Variants in SLC9B1 observed in about 807,000 individuals in gnomAD.
SLC9B1 encodes the protein solute carrier family 9 member B1.
SLC9B1 carries 32 observed loss-of-function variants against 51.7 expected under a neutral mutation model. The observed-to-expected ratio is 0.62, with a 90% CI of 0.47 to 0.83. The LOEUF (loss-of-function observed/expected upper bound fraction) is 0.83, where lower values mean the gene tolerates loss of function less well. Among genes scored for constraint, SLC9B1 ranks in the 40% least tolerant of loss-of-function variants. The pLI, the probability that SLC9B1 is intolerant of heterozygous loss-of-function variation, is 0.00. For synonymous variants in SLC9B1, 145 were observed against 212.7 expected, an observed-to-expected ratio of 0.68 and a Z score of 2.77; for missense variants, 406 against 613.2, an observed-to-expected ratio of 0.66 and a Z score of 3.57.
intron 7 of SLC9B1, among the ~76,000 whole-genome samples, chr4:102,921,881 C>A (rs998791269): frequency 6.6e-6 from 1 of 152,118 alleles, no homozygotes; most frequent in African/African-American, 2.4e-5. Flanking sequence ...TATATATGCA[C>A]CCAATACAAG....
At chr4:102,927,685 G>A (rs1236523385) in intron 7 of SLC9B1, among the ~76,000 whole-genome samples, 3 of 152,154 alleles carry the variant, frequency 2.0e-5, no homozygotes, top group South Asian at 4.1e-4. Flanking sequence ...CGAGGATATA[G>A]AACTAGAATT....
intron 3 of SLC9B1, among the ~76,000 whole-genome samples, chr4:102,955,550 G>T (rs551237044): frequency 1.8e-3 from 280 of 152,238 alleles, no homozygotes; most frequent in African/African-American, 6.5e-3. Context: ...GTAGAGGGAA[G>T]AAATCAATGG....
In SLC9B1 at chr4:102,989,730, G is replaced by A. The variant is rs1242626494; in HGVS notation, c.211+70C>T. On this transcript the variant is annotated intron_variant, in intron 3 of 11. Transcript: ENST00000296422. Reference sequence around the variant, plus strand: ...ATATTGATTAAGTAGTGTCTTTGTTGTCTCATGTTTTAATATTTATCAAAC... The same window carrying A: ...ATATTGATTAAGTAGTGTCTTTGTTATCTCATGTTTTAATATTTATCAAAC... 3 of 1,104,754 alleles carry A rather than the reference G, an allele frequency of 2.7e-6. No homozygotes were observed. The East Asian group carries it at 7.7e-5, about 28-fold the overall frequency. The allele number at this position is 1,104,754 out of a possible 1,614,324, so 68.4% of individuals were successfully genotyped here.
chr4:102,892,480 G>A (rs1393358943), intron 11 of SLC9B1: 2 of 152,160 alleles, frequency 1.3e-5, no homozygotes, highest in Non-Finnish European at 2.9e-5. Context: ...ATTAGTTATG[G>A]TCTTGAAGGA....
At chr4:103,003,998 A>T (rs1740659770) in intron 1 of SLC9B1, among the ~76,000 whole-genome samples, 1 of 152,236 alleles carries the variant, frequency 6.6e-6, no homozygotes, top group East Asian at 1.9e-4. Flanking sequence ...CACAGATGAG[A>T]AATAACCAGC....
intron 1 of SLC9B1, among the ~76,000 whole-genome samples, chr4:103,008,005 A>G (rs1004308533): frequency 2.0e-5 from 3 of 152,216 alleles, no homozygotes; most frequent in Admixed American, 2.0e-4. Flanking sequence ...TACTAACAAA[A>G]ATAAGACTTC....
At chr4:103,019,418 G>A (rs925342252) in intron 1 of SLC9B1, among the ~76,000 whole-genome samples, 181 bp downstream of exon 1, 1 of 152,210 alleles carries the variant, frequency 6.6e-6, no homozygotes, top group Non-Finnish European at 1.5e-5. Context: ...AAGGAGTCAC[G>A]GAGAGGAGAG....
intron 1 of SLC9B1, among the ~76,000 whole-genome samples, chr4:102,992,151 C>CTGATA (rs1739974020): frequency 6.6e-6 from 1 of 152,080 alleles, no homozygotes; most frequent in Non-Finnish European, 1.5e-5. Context: ...CTATAAGTTA[C>CTGATA]TGATACATAC....
chr4:102,976,311 T>C (rs138605985), intron 3 of SLC9B1, among the ~76,000 whole-genome samples: 1 of 152,332 alleles, frequency 6.6e-6, no homozygotes, highest in African/African-American at 2.4e-5. Context: ...TAGATATCAG[T>C]ATTGATTTAC....
At position 102,885,187 on chromosome 4, in the gene SLC9B1, T is replaced by A. The variant is rs141987332; in HGVS notation, c.*46A>T. Reference sequence around the variant, plus strand: ...ATTTTGAATTCTTTTCCAAGAGCACTGCAGATTCTGACACATCTACATGTT... The same window carrying A: ...ATTTTGAATTCTTTTCCAAGAGCACAGCAGATTCTGACACATCTACATGTT... On this transcript the variant is annotated 3_prime_UTR_variant, in exon 12 of 12. Coordinates refer to the SLC9B1 transcript ENST00000394789. 3.0e-4 allele frequency: 471 copies of A among 1,561,524 alleles called. No homozygotes were observed. The African/African-American group carries it at 5.5e-3, about 18-fold the overall frequency.
rs1736495013 is a variant in SLC9B1, at chr4:102,932,225, A to G, written c.728T>C (p.Val243Ala). 1.9e-6 allele frequency: 3 copies of G among 1,611,976 alleles called. No individual in the cohort carries two copies. The highest frequency in any genetic ancestry group is 1.7e-6 in the Non-Finnish European group (2 of 1,179,806). Residue 243 changes from valine to alanine, a missense_variant, in exon 7 of 12, where the codon GTT (valine) becomes GCT (alanine). By Grantham distance (64) the Val-to-Ala change is moderately conservative (BLOSUM62 0). Transcript: ENST00000296422. Reference sequence around the variant, plus strand: ...TAATAAGGTTGGAATGCCTTCCTCAACACCATATCCATTTTCTTGCAGCAC... The same window carrying G: ...TAATAAGGTTGGAATGCCTTCCTCAGCACCATATCCATTTTCTTGCAGCAC... ...MMVLQENGYG[V>A]EEGIPTLLMA...
chr4:102,971,704 T>G (rs913579389), intron 3 of SLC9B1, among the ~76,000 whole-genome samples: 22 of 152,066 alleles, frequency 1.4e-4, no homozygotes, highest in African/African-American at 5.3e-4. Flanking sequence ...CCAGGAGCTG[T>G]TTTTTTGAAA....
chr4:103,009,188 A>G (rs1002556994), intron 1 of SLC9B1, among the ~76,000 whole-genome samples: 6 of 152,218 alleles, frequency 3.9e-5, no homozygotes, highest in African/African-American at 1.4e-4. Context: ...CTTCTTGGGA[A>G]CTTCATTTCT....
At chr4:102,975,581 TA>T (rs1358290097) in intron 3 of SLC9B1, among the ~76,000 whole-genome samples, 95 of 110,068 alleles carry the variant, frequency 8.6e-4, no homozygotes, top group African/African-American at 3.4e-3. Flanking sequence ...TATATATATA[TA>T]TATATTTTTT....
intron 6 of SLC9B1, among the ~76,000 whole-genome samples, chr4:102,933,272 C>G (rs1244964465): frequency 1.3e-5 from 2 of 152,222 alleles, no homozygotes; most frequent in East Asian, 3.9e-4. Flanking sequence ...CAGACAGCAT[C>G]TGCCAATGAC....
chr4:102,898,862 G>A (rs537118627), downstream of SLC9B1, among the ~76,000 whole-genome samples: 3 of 152,192 alleles, frequency 2.0e-5, no homozygotes, highest in Non-Finnish European at 4.4e-5. Context: ...CGAGTAGCCG[G>A]GACTACAGGC....
At chr4:102,941,539 C>A (rs1736995560) in intron 6 of SLC9B1, 1 of 450,438 alleles carries the variant, frequency 2.2e-6, no homozygotes, top group Admixed American at 2.4e-5. Flanking sequence ...CTTTGGAAGG[C>A]TGAGGCATGA....
At chr4:102,963,510 GT>G (rs111966515) in intron 3 of SLC9B1, among the ~76,000 whole-genome samples, 19,882 of 151,804 alleles carry the variant, frequency 0.13, 998 homozygotes, top group Admixed American at 0.16. Context: ...TTCTTTATGT[GT>G]TGACTGTTGT....
At chr4:103,006,639 T>C (rs1365199293) in intron 1 of SLC9B1, among the ~76,000 whole-genome samples, 2 of 152,182 alleles carry the variant, frequency 1.3e-5, no homozygotes, top group Non-Finnish European at 2.9e-5. Context: ...CAAGTCATTC[T>C]ATGAGGATAG....
Sources: allele counts gnomAD v4.1 joint callset (sites outside exome capture counted in the v4.1 genomes callset), GRCh38; gene constraint gnomAD v4.1.1; transcripts MANE v1.5; gene names NCBI Gene and HGNC (gene_info 2026-07-23, HGNC 2026-07-21).